The following PTPN4 variants were observed in gnomAD, a reference collection of about 807,000 sequenced individuals.
PTPN4 encodes protein tyrosine phosphatase non-receptor type 4.
A neutral mutation model predicts 135.5 loss-of-function variants in PTPN4; 49 were observed. The observed-to-expected ratio is 0.36, with a 90% CI of 0.29 to 0.46. PTPN4 has a LOEUF of 0.46. Ranked by LOEUF, PTPN4 falls within the 20% of genes least tolerant of loss-of-function variation. The pLI, the probability that PTPN4 is intolerant of heterozygous loss-of-function variation, is 1.00. For missense variants in PTPN4, 860 were observed against 1,101.0 expected (o/e 0.78, Z 3.10); for synonymous variants, 333 against 369.9 (o/e 0.90, Z 1.14).
intron 3 of PTPN4, 120 bp from the exon 4 acceptor site, chr2:119,877,203 C>A: frequency 9.6e-7 from 1 of 1,042,184 alleles, no homozygotes; most frequent in Non-Finnish European, 1.4e-6. Context: ...TTTTTTCCTA[C>A]CTGGGCCTTT....
At chr2:119,848,166 CCTTTTT>C (rs1357151787) in intron 2 of PTPN4, among the ~76,000 whole-genome samples, 3 of 148,900 alleles carry the variant, frequency 2.0e-5, no homozygotes, top group Non-Finnish European at 4.5e-5. Context: ...TTTTTTTTCT[CCTTTTT>C]CTTTTTCTTT....
intron 1 of PTPN4, among the ~76,000 whole-genome samples, chr2:119,799,272 A>T (rs1691319997): frequency 6.6e-6 from 1 of 152,262 alleles, no homozygotes; most frequent in African/African-American, 2.4e-5. Context: ...AAAAGTTATA[A>T]AGCAGGAACA....
chr2:119,848,281 C>T lies in PTPN4; in HGVS notation c.139-14255C>T, dbSNP rs13420217. Reference sequence around the variant, plus strand: ...CTCCGCCTCCCGGATTCACACCATTCTCCCGCCTCAGCCTCCCGAGTAACT... The same window carrying T: ...CTCCGCCTCCCGGATTCACACCATTTTCCCGCCTCAGCCTCCCGAGTAACT... On this transcript the variant is annotated intron_variant, in intron 2 of 26. Coordinates refer to ENST00000263708, the MANE Select transcript of PTPN4 (RefSeq NM_002830.4). 9.2e-3 allele frequency among the ~76,000 whole-genome samples: 1,391 copies of T among 151,564 alleles called. 16 individuals are homozygous for T. The highest frequency in any genetic ancestry group is 0.032 in the African/African-American group (1,338 of 41,276).
At chr2:119,907,533 C>CT (rs1317166686) in intron 10 of PTPN4, among the ~76,000 whole-genome samples, 1 of 152,044 alleles carries the variant, frequency 6.6e-6, no homozygotes, top group Non-Finnish European at 1.5e-5. Flanking sequence ...GAGCCCAGCA[C>CT]TTTAAGGGTT....
chr2:119,845,300 G>C (rs1015555885), intron 2 of PTPN4, among the ~76,000 whole-genome samples: 13 of 144,596 alleles, frequency 9.0e-5, no homozygotes, highest in Admixed American at 2.8e-4. Flanking sequence ...GAGGGAGAGG[G>C]CATTTTTCTT....
At chr2:119,867,260 A>G (rs548193699) in intron 3 of PTPN4, among the ~76,000 whole-genome samples, 1 of 152,274 alleles carries the variant, frequency 6.6e-6, no homozygotes, top group East Asian at 1.9e-4. Flanking sequence ...CTGTGGTTAT[A>G]GTGTAGCCAG....
At chr2:119,765,775 A>G (rs1055579979) in intron 1 of PTPN4, among the ~76,000 whole-genome samples, 2 of 152,208 alleles carry the variant, frequency 1.3e-5, no homozygotes, top group Non-Finnish European at 1.5e-5. Flanking sequence ...TTTGGAATTG[A>G]TCTGGGTAGA....
intron 1 of PTPN4, among the ~76,000 whole-genome samples, chr2:119,793,132 C>T (rs1043771771): frequency 5.3e-5 from 8 of 152,166 alleles, no homozygotes; most frequent in Non-Finnish European, 8.8e-5. Flanking sequence ...AGCCTGGGGA[C>T]GCTGCAGGAG....
intron 2 of PTPN4, among the ~76,000 whole-genome samples, chr2:119,860,347 T>G (rs1292976869): frequency 6.6e-6 from 1 of 152,140 alleles, no homozygotes; most frequent in African/African-American, 2.4e-5. Flanking sequence ...CCAATAAGAG[T>G]CTTTGTAAGG....
intron 10 of PTPN4, among the ~76,000 whole-genome samples, chr2:119,904,103 A>G (rs1678449510): frequency 6.6e-6 from 1 of 152,192 alleles, no homozygotes; most frequent in South Asian, 2.1e-4. Context: ...AGAAGAAATA[A>G]ATGCCTGAAA....
At chr2:119,927,330 C>T (rs1340894300) in intron 13 of PTPN4, among the ~76,000 whole-genome samples, 2 of 147,634 alleles carry the variant, frequency 1.4e-5, no homozygotes, top group Admixed American at 6.8e-5. Flanking sequence ...AGGCTAGTCT[C>T]GAACTCGTGA....
At chr2:119,760,488 C>T in intron 1 of PTPN4, 104 bp downstream of exon 1, 1 of 388,454 alleles carries the variant, frequency 2.6e-6, no homozygotes, top group Non-Finnish European at 4.5e-6. Context: ...GTGGGGCAAG[C>T]CGGAGGTACG....
At chr2:119,944,823 G>A (rs1433102858) in intron 15 of PTPN4, among the ~76,000 whole-genome samples, 1 of 151,928 alleles carries the variant, frequency 6.6e-6, no homozygotes, top group African/African-American at 2.4e-5. Context: ...TGTTTACTTT[G>A]TTATAATAGA....
intron 2 of PTPN4, among the ~76,000 whole-genome samples, chr2:119,849,045 T>C (rs1677552021): frequency 6.6e-6 from 1 of 152,194 alleles, no homozygotes; most frequent in African/African-American, 2.4e-5. Context: ...AAAAACCATT[T>C]GATTTTGTTT....
At chr2:119,904,908 A>G (rs984690341) in intron 10 of PTPN4, among the ~76,000 whole-genome samples, 1 of 152,208 alleles carries the variant, frequency 6.6e-6, no homozygotes, top group Admixed American at 6.5e-5. Flanking sequence ...GGGAGTCCCT[A>G]CATCTGGAAG....
intron 11 of PTPN4, chr2:119,915,840 A>G (rs1005066418): frequency 4.6e-5 from 7 of 152,156 alleles, no homozygotes; most frequent in African/African-American, 1.2e-4. Context: ...TGGCAAATTC[A>G]TGCAGATTTC....
intron 1 of PTPN4, among the ~76,000 whole-genome samples, chr2:119,798,556 A>G (rs903786710): frequency 7.2e-5 from 11 of 152,248 alleles, no homozygotes; most frequent in African/African-American, 2.7e-4. Flanking sequence ...AAGATTTAGC[A>G]TATTTTTTCC....
chr2:119,976,299 G>C (rs1679618141), intron 26 of PTPN4, among the ~76,000 whole-genome samples: 1 of 151,862 alleles, frequency 6.6e-6, no homozygotes, highest in Non-Finnish European at 1.5e-5. Context: ...ACCCGGCCAA[G>C]AAACTATTTT....
intron 9 of PTPN4, among the ~76,000 whole-genome samples, chr2:119,897,208 C>T (rs982941175): frequency 1.3e-5 from 2 of 152,158 alleles, no homozygotes; most frequent in Admixed American, 6.5e-5. Flanking sequence ...GCTGGGATTA[C>T]AGGCATGAGC....
Sources: allele counts gnomAD v4.1 joint callset (sites outside exome capture counted in the v4.1 genomes callset), GRCh38; gene constraint gnomAD v4.1.1; transcripts MANE v1.5; gene names NCBI Gene and HGNC (gene_info 2026-07-23, HGNC 2026-07-21).